The following AFAP1L1 variants were observed in gnomAD, a reference collection of about 807,000 sequenced individuals.
The protein encoded by AFAP1L1 is actin filament-associated protein 1-like 1.
In AFAP1L1, 77 loss-of-function variants were observed where a neutral mutation model predicts 99.8. The observed-to-expected ratio is 0.77, with a 90% CI of 0.64 to 0.93. The LOEUF (loss-of-function observed/expected upper bound fraction) is 0.93. Among genes scored for constraint, AFAP1L1 ranks in the 40% least tolerant of loss-of-function variants. The pLI is 0.00. For missense variants in AFAP1L1, 893 were observed against 996.8 expected, an observed-to-expected ratio of 0.90 and a Z score of 1.40; for synonymous variants, 373 against 395.3, an observed-to-expected ratio of 0.94 and a Z score of 0.67.
rs752456586 is a variant in AFAP1L1, at chr5:149,320,505, C to G, written c.1698+42C>G. On this transcript the variant is annotated intron_variant, in intron 14 of 18. Coordinates refer to ENST00000296721, the MANE Select transcript of AFAP1L1 (RefSeq NM_152406.4). The surrounding 1 kb of genome is among the most constrained non-coding windows in gnomAD (Gnocchi z 4.0). ...CTGCCCAGGAATGTGGCAAAGGCCA[C>G]TTATTAGCTCTCCCTCTTTCTGCTC... 1.3e-6 allele frequency: 2 copies of G among 1,552,072 alleles called. No homozygotes were observed. Among genetic ancestry groups the G allele is most frequent in the South Asian group, 2.2e-5 (2 of 89,748 alleles).
intron 12 of AFAP1L1, among the ~76,000 whole-genome samples, chr5:149,319,361 G>A (rs1198095559): frequency 6.6e-6 from 1 of 152,164 alleles, no homozygotes; most frequent in Non-Finnish European, 1.5e-5. Context: ...CATCAGGGAG[G>A]GCCTCCCTGA....
chr5:149,292,565 T>C (rs1279212597), intron 1 of AFAP1L1, among the ~76,000 whole-genome samples: 2 of 152,232 alleles, frequency 1.3e-5, no homozygotes, highest in East Asian at 3.9e-4. Context: ...TGAAAAACTT[T>C]TTTGCAACCC....
intron 10 of AFAP1L1, 118 bp from the exon 11 acceptor site, chr5:149,316,033 C>G: frequency 6.4e-7 from 1 of 1,574,080 alleles, no homozygotes. Flanking sequence ...GGTGACCTGG[C>G]CTGCCATCCC....
At chr5:149,322,868 C>A (rs2127600907) in intron 15 of AFAP1L1, 151 bp downstream of exon 15, 1 of 652,780 alleles carries the variant, frequency 1.5e-6, no homozygotes, top group Non-Finnish European at 2.6e-6. Flanking sequence ...AATCACAGAG[C>A]AAGCACAATG....
intron 5 of AFAP1L1, 36 bp downstream of exon 5, chr5:149,302,562 C>G (rs1405616968): frequency 6.5e-6 from 10 of 1,531,848 alleles, no homozygotes; most frequent in Non-Finnish European, 8.8e-6. Flanking sequence ...CTGGGGACTT[C>G]CTGTCCCTGA....
chr5:149,316,026 G>C, intron 10 of AFAP1L1, 112 bp downstream of exon 10: 2 of 1,576,932 alleles, frequency 1.3e-6, no homozygotes, highest in Non-Finnish European at 1.7e-6. Context: ...TGGGTAAGGT[G>C]ACCTGGCCTG....
intron 15 of AFAP1L1, among the ~76,000 whole-genome samples, chr5:149,327,690 T>G (rs558823311): frequency 6.6e-6 from 1 of 152,108 alleles, no homozygotes; most frequent in Non-Finnish European, 1.5e-5. Context: ...TTTGGCCTGG[T>G]AGAAGAATCA....
intron 8 of AFAP1L1, among the ~76,000 whole-genome samples, chr5:149,310,845 T>C (rs946953570): frequency 5.9e-5 from 9 of 152,064 alleles, no homozygotes. Flanking sequence ...AGAGGGGACT[T>C]TGTGGCACCC....
intron 1 of AFAP1L1, among the ~76,000 whole-genome samples, chr5:149,274,999 G>A (rs1755268273): frequency 6.6e-6 from 1 of 152,082 alleles, no homozygotes; most frequent in South Asian, 2.1e-4. Flanking sequence ...TCTCATTTCA[G>A]CCTCCTGCCT....
chr5:149,277,955 T>C (rs1755389901), intron 1 of AFAP1L1, among the ~76,000 whole-genome samples: 1 of 152,178 alleles, frequency 6.6e-6, no homozygotes, highest in Non-Finnish European at 1.5e-5. Context: ...GCTGTTTGGC[T>C]TCTCCATTTT....
At position 149,296,477 on chromosome 5, in the gene AFAP1L1, G is replaced by A. The variant is rs561566962; in HGVS notation, c.17-3032G>A. ...TATCATGTGCTTTTGAATGTGAGTC[G>A]TGGCTGCAGGGCCACAGGAGGGCTC... On this transcript the variant is annotated intron_variant, in intron 1 of 18. Coordinates refer to ENST00000296721, the MANE Select transcript of AFAP1L1 (RefSeq NM_152406.4). 2.8e-4 allele frequency among the ~76,000 whole-genome samples: 42 copies of A among 152,306 alleles called. No homozygotes were observed. The East Asian group carries it at 7.3e-3, about 27-fold the overall frequency.
At chr5:149,280,957 C>A (rs543490852) in intron 1 of AFAP1L1, among the ~76,000 whole-genome samples, 4 of 152,320 alleles carry the variant, frequency 2.6e-5, no homozygotes, top group African/African-American at 7.2e-5. Context: ...CTGGCTCAGC[C>A]GCTCACTTCC....
At chr5:149,287,752 G>C (rs1276573201) in intron 1 of AFAP1L1, among the ~76,000 whole-genome samples, 3 of 130,286 alleles carry the variant, frequency 2.3e-5, no homozygotes, top group Admixed American at 7.7e-5. Flanking sequence ...TTTTTTTGGT[G>C]TTTTTTTTTT....
At chr5:149,279,860 A>G (rs909136133) in intron 1 of AFAP1L1, among the ~76,000 whole-genome samples, 1 of 152,140 alleles carries the variant, frequency 6.6e-6, no homozygotes, top group Non-Finnish European at 1.5e-5. Flanking sequence ...CCTCAAGGCA[A>G]TGTTTCCCAA....
chr5:149,330,508 C>CA lies in AFAP1L1; in HGVS notation c.1975+686dup, dbSNP rs1209929938. ...AGAAACACCACAGTTCACAATGCTGCAAAAAAAAGTTCAGGAGCTCATGTG... is the reference window on the plus strand; with the variant it reads ...AGAAACACCACAGTTCACAATGCTGCAAAAAAAAAGTTCAGGAGCTCATGTG... On this transcript the variant is annotated intron_variant, in intron 16 of 18. Coordinates refer to ENST00000296721, the MANE Select transcript of AFAP1L1 (RefSeq NM_152406.4). 2.0e-5 allele frequency among the ~76,000 whole-genome samples: 3 copies of CA among 151,920 alleles called. No individual in the cohort carries two copies. The East Asian group carries it at 5.8e-4, about 29-fold the overall frequency.
intron 9 of AFAP1L1, chr5:149,315,618 T>G (rs1289486172): frequency 5.3e-6 from 3 of 560,766 alleles, no homozygotes; most frequent in Non-Finnish European, 9.7e-6. Flanking sequence ...GGACTGTGAA[T>G]TGCCCAAAGA....
In AFAP1L1 at chr5:149,341,829, C is replaced by G. The variant is rs1332865859; in HGVS notation, c.*1799C>G. ...AATGTCTGACTCACAAGCCTGTGTT[C>G]TTTCCACTGAAGAGGAAATTACTTT... On this transcript the variant is annotated 3_prime_UTR_variant, in exon 19 of 19. Transcript: ENST00000296721. The G allele has an allele frequency of 6.6e-6, 1 of 151,986 alleles. No homozygotes were observed. The highest frequency in any genetic ancestry group is 1.5e-5 in the Non-Finnish European group (1 of 67,992). The allele number at this position is 151,986 out of a possible 1,614,324, so 9.4% of individuals were successfully genotyped here.
chr5:149,275,628 C>T (rs1191739022), intron 1 of AFAP1L1, among the ~76,000 whole-genome samples: 2 of 152,154 alleles, frequency 1.3e-5, no homozygotes, highest in Non-Finnish European at 2.9e-5. Flanking sequence ...GCCTCAGCCT[C>T]CCGAGTAGCT....
intron 1 of AFAP1L1, 74 bp downstream of exon 1, chr5:149,272,058 AGAG>A (rs771857107): frequency 4.4e-6 from 5 of 1,136,170 alleles, no homozygotes; most frequent in Admixed American, 4.6e-5. Context: ...CTGAAGCCGG[AGAG>A]GAGGAGGGAG....
Sources: allele counts gnomAD v4.1 joint callset (sites outside exome capture counted in the v4.1 genomes callset), GRCh38; gene constraint gnomAD v4.1.1; non-coding constraint Gnocchi (gnomAD v3.1); transcripts MANE v1.5; gene names NCBI Gene and HGNC (gene_info 2026-07-23, HGNC 2026-07-21).